The following ANO4 variants were observed in gnomAD, a reference collection of about 807,000 sequenced individuals.
The protein encoded by ANO4 is anoctamin 4.
In ANO4, 69 loss-of-function variants were observed where a neutral mutation model predicts 141.9. The ratio of observed to expected loss-of-function variants is 0.49; its 90% CI spans 0.40 to 0.59. The LOEUF (loss-of-function observed/expected upper bound fraction) is 0.59. Among genes scored for constraint, ANO4 ranks in the 20% least tolerant of loss-of-function variants. The pLI is 0.00. For synonymous variants in ANO4, 350 were observed against 394.3 expected (o/e 0.89, Z 1.33); for missense variants, 894 against 1,162.2 (o/e 0.77, Z 3.36).
chr12:100,951,755 T>G (rs1219186811), intron 5 of ANO4, among the ~76,000 whole-genome samples: 1 of 152,204 alleles, frequency 6.6e-6, no homozygotes, highest in Non-Finnish European at 1.5e-5. Context: ...TACAAAAGAT[T>G]GTGGATAGCT....
chr12:100,778,541 G>A (rs928107959), intron 3 of ANO4, among the ~76,000 whole-genome samples: 2 of 152,168 alleles, frequency 1.3e-5, no homozygotes, highest in African/African-American at 4.8e-5. Context: ...TTCTGGATCT[G>A]GTTTAGGGCT....
intron 1 of ANO4, among the ~76,000 whole-genome samples, chr12:100,899,757 G>A (rs1320329655): frequency 6.6e-6 from 1 of 151,904 alleles, no homozygotes; most frequent in African/African-American, 2.4e-5. Context: ...TATTTTCCCT[G>A]TTTCTGGGTT....
chr12:100,797,237 G>T (rs994835448), intron 1 of ANO4, among the ~76,000 whole-genome samples: 9 of 150,366 alleles, frequency 6.0e-5, no homozygotes, highest in Non-Finnish European at 1.2e-4. Context: ...TGCCCATTTG[G>T]AGAACAGAAG....
chr12:101,031,341 A>T (rs2136554816), intron 9 of ANO4, among the ~76,000 whole-genome samples: 1 of 152,336 alleles, frequency 6.6e-6, no homozygotes, highest in Non-Finnish European at 1.5e-5. Flanking sequence ...AAAGCACGTG[A>T]TTATCTCAAT....
intron 8 of ANO4, among the ~76,000 whole-genome samples, chr12:101,017,352 C>T (rs1566131775): frequency 6.6e-6 from 1 of 152,152 alleles, no homozygotes; most frequent in East Asian, 1.9e-4. Context: ...GATTACCTCC[C>T]ACCAGGTCCC....
chr12:100,842,289 T>C (rs1317712998), intron 1 of ANO4: 1 of 152,048 alleles, frequency 6.6e-6, no homozygotes, highest in Non-Finnish European at 1.5e-5. Context: ...TCCTTCCATC[T>C]TTTATGTGGT....
chr12:100,996,318 T>C (rs551135507), intron 8 of ANO4, among the ~76,000 whole-genome samples: 1 of 152,186 alleles, frequency 6.6e-6, no homozygotes, highest in Admixed American at 6.5e-5. Context: ...CAAAATGACA[T>C]AGTTCTTTGT....
intron 3 of ANO4, among the ~76,000 whole-genome samples, chr12:100,750,068 G>A (rs778558127): frequency 1.3e-5 from 2 of 152,000 alleles, no homozygotes; most frequent in Non-Finnish European, 1.5e-5. Flanking sequence ...TTGTTAAACT[G>A]CAGATCCTCA....
chr12:100,859,742 A>G (rs2038375204), intron 1 of ANO4, among the ~76,000 whole-genome samples: 1 of 152,164 alleles, frequency 6.6e-6, no homozygotes, highest in Non-Finnish European at 1.5e-5. Flanking sequence ...GGGCAGAGAT[A>G]AGGTCTCGTT....
At chr12:100,849,847 A>G (rs2037776556) in intron 1 of ANO4, among the ~76,000 whole-genome samples, 1 of 152,016 alleles carries the variant, frequency 6.6e-6, no homozygotes, top group African/African-American at 2.4e-5. Context: ...GTCACCACCA[A>G]CCTCAAATAC....
At chr12:100,759,848 C>A (rs1396903859) in intron 3 of ANO4, among the ~76,000 whole-genome samples, 2 of 152,142 alleles carry the variant, frequency 1.3e-5, no homozygotes, top group African/African-American at 4.8e-5. Flanking sequence ...CTTTCTTCTT[C>A]CCCCCATATA....
intron 2 of ANO4, among the ~76,000 whole-genome samples, chr12:100,920,023 C>T (rs1480424234): frequency 6.6e-6 from 1 of 151,826 alleles, no homozygotes; most frequent in Non-Finnish European, 1.5e-5. Context: ...CTACTTCTAC[C>T]TGAGTTTATG....
At chr12:100,721,358 T>C (rs1473658416) in intron 1 of ANO4, among the ~76,000 whole-genome samples, 1 of 152,136 alleles carries the variant, frequency 6.6e-6, no homozygotes, top group Non-Finnish European at 1.5e-5. Context: ...AGAATTATAA[T>C]GCAGTGTTGT....
chr12:100,865,777 T>C (rs949819700), intron 1 of ANO4, among the ~76,000 whole-genome samples: 1 of 152,092 alleles, frequency 6.6e-6, no homozygotes, highest in Non-Finnish European at 1.5e-5. Context: ...TTTGCAAAGG[T>C]GTGGGTATCG....
chr12:101,101,073 T>A (rs2050167369), intron 22 of ANO4, among the ~76,000 whole-genome samples: 1 of 152,222 alleles, frequency 6.6e-6, no homozygotes, highest in Non-Finnish European at 1.5e-5. Context: ...GGTAGTTGTG[T>A]CAGAAAGTGG....
At chr12:100,975,508 G>A (rs1245463639) in intron 7 of ANO4, among the ~76,000 whole-genome samples, 4 of 147,400 alleles carry the variant, frequency 2.7e-5, no homozygotes, top group East Asian at 4.0e-4. Flanking sequence ...CGCAACCTCC[G>A]CCTCCTGGGT....
intron 1 of ANO4, among the ~76,000 whole-genome samples, chr12:100,814,618 A>G (rs1299731132): frequency 6.6e-6 from 1 of 152,110 alleles, no homozygotes; most frequent in Non-Finnish European, 1.5e-5. Flanking sequence ...TGTCTATCTC[A>G]GTTTTGGCTA....
chr12:101,048,358 C>T lies in ANO4; in HGVS notation c.1269C>T (p.Asp423=), dbSNP rs751805127. The T allele has an allele frequency of 6.2e-7, 1 of 1,613,742 alleles. No individual in the cohort carries two copies. Among genetic ancestry groups the T allele is most frequent in the Non-Finnish European group, 8.5e-7 (1 of 1,179,752 alleles). The change falls in exon 14 of 28, where the codon GAC becomes GAT. Residue 423 remains aspartate, a synonymous_variant. Coordinates refer to ENST00000392977, the MANE Select transcript of ANO4 (RefSeq NM_001286615.2). ...CVYAKVTHLF[D]NGATVFFAVF... Reference sequence around the variant, plus strand: ...ATTCACAGGTAACCCACCTTTTTGACAATGGAGCCACTGTCTTCTTTGCTG... The same window carrying T: ...ATTCACAGGTAACCCACCTTTTTGATAATGGAGCCACTGTCTTCTTTGCTG...
chr12:101,061,673 C>T (rs1345810579), intron 14 of ANO4, among the ~76,000 whole-genome samples: 5 of 151,578 alleles, frequency 3.3e-5, no homozygotes, highest in East Asian at 3.9e-4. Flanking sequence ...TTGATCGACT[C>T]GACTATTGAT....
Sources: gnomAD v4.1 joint callset for allele counts (sites outside exome capture counted in the v4.1 genomes callset) on GRCh38, gnomAD v4.1.1 for gene constraint, MANE v1.5 for transcripts, NCBI Gene and HGNC (gene_info 2026-07-23, HGNC 2026-07-21) for gene names.